The following PCDH9 variants were observed in gnomAD, a reference collection of about 807,000 sequenced individuals.
PCDH9 encodes the protein protocadherin 9.
A neutral mutation model predicts 70.6 loss-of-function variants in PCDH9; 24 were observed. The ratio of observed to expected loss-of-function variants is 0.34; its 90% CI spans 0.25 to 0.48. The LOEUF (loss-of-function observed/expected upper bound fraction) is 0.48, where lower values mean the gene tolerates loss of function less well. Among genes scored for constraint, PCDH9 ranks in the 20% least tolerant of loss-of-function variants. The pLI, the probability that PCDH9 is intolerant of heterozygous loss-of-function variation, is 0.99. For missense variants in PCDH9, 1,281 were observed against 1,503.6 expected, an observed-to-expected ratio of 0.85 and a Z score of 2.45; for synonymous variants, 562 against 558.5, an observed-to-expected ratio of 1.01 and a Z score of -0.09.
chr13:66,622,666 G>T (rs1267277870), intron 4 of PCDH9, among the ~76,000 whole-genome samples: 1 of 152,156 alleles, frequency 6.6e-6, no homozygotes, highest in African/African-American at 2.4e-5. Flanking sequence ...GTAGCTCAGG[G>T]ATTGTAAACG....
At chr13:66,603,242 A>G (rs953799222) in intron 4 of PCDH9, among the ~76,000 whole-genome samples, 3 of 151,418 alleles carry the variant, frequency 2.0e-5, no homozygotes, top group African/African-American at 7.3e-5. Context: ...TTAAACATGT[A>G]TATATCCAAT....
At chr13:66,568,350 G>A (rs1378556524) in intron 4 of PCDH9, among the ~76,000 whole-genome samples, 1 of 151,858 alleles carries the variant, frequency 6.6e-6, no homozygotes, top group Non-Finnish European at 1.5e-5. Context: ...TAGTCATGTG[G>A]TAGTTTTTTA....
intron 2 of PCDH9, among the ~76,000 whole-genome samples, chr13:66,925,932 T>C (rs1007028360): frequency 1.3e-5 from 2 of 152,000 alleles, no homozygotes; most frequent in Non-Finnish European, 2.9e-5. Context: ...ATTACGATGT[T>C]ATATTTCCAC....
chr13:66,629,364 G>T (rs1172260411), intron 4 of PCDH9, among the ~76,000 whole-genome samples: 4 of 152,180 alleles, frequency 2.6e-5, no homozygotes, highest in African/African-American at 9.7e-5. Flanking sequence ...GAGACTCTTA[G>T]CTTTACTTCA....
intron 3 of PCDH9, among the ~76,000 whole-genome samples, chr13:66,698,867 G>T (rs1433630480): frequency 6.6e-6 from 1 of 150,394 alleles, no homozygotes; most frequent in Non-Finnish European, 1.5e-5. Flanking sequence ...GATTACAGAG[G>T]TGAGACACTT....
At chr13:66,596,882 T>C (rs2077110608) in intron 4 of PCDH9, among the ~76,000 whole-genome samples, 2 of 151,620 alleles carry the variant, frequency 1.3e-5, no homozygotes, top group South Asian at 4.1e-4. Context: ...CTATTCTTTT[T>C]TTTTTTTTAT....
intron 3 of PCDH9, among the ~76,000 whole-genome samples, chr13:66,842,687 T>G (rs915168760): frequency 1.3e-5 from 2 of 152,184 alleles, no homozygotes; most frequent in African/African-American, 4.8e-5. Context: ...TGTAATGACA[T>G]TAACTGTTAA....
chr13:66,392,079 C>T (rs1957028386), intron 4 of PCDH9, among the ~76,000 whole-genome samples: 1 of 151,528 alleles, frequency 6.6e-6, no homozygotes, highest in African/African-American at 2.4e-5. Context: ...AATTTCAAAT[C>T]ACTGAAGAAA....
intron 4 of PCDH9, among the ~76,000 whole-genome samples, chr13:66,512,817 T>C (rs940642138): frequency 4.6e-5 from 7 of 151,980 alleles, no homozygotes; most frequent in Non-Finnish European, 8.8e-5. Context: ...TCTTTCTTTT[T>C]TTGTTTTGTT....
In PCDH9 at chr13:66,515,229, T is replaced by C. The variant is rs1420109330; in HGVS notation, c.3340+115981A>G. On this transcript the variant is annotated intron_variant, in intron 4 of 4. Coordinates refer to ENST00000377865, the MANE Select transcript of PCDH9 (RefSeq NM_203487.3). ...GTTATCAAGTTACTCACATTAACCT[T>C]GCTTTGTTCACACAAACACTTGTTA... Among the ~76,000 whole-genome samples, 7 of 152,086 alleles carry C rather than the reference T, an allele frequency of 4.6e-5. 1 individual carries two copies. The East Asian group carries it at 1.2e-3, about 25-fold the overall frequency.
intron 2 of PCDH9, among the ~76,000 whole-genome samples, chr13:67,129,648 C>T (rs1260789748): frequency 7.9e-5 from 12 of 151,706 alleles, no homozygotes; most frequent in Non-Finnish European, 1.8e-4. Flanking sequence ...TGTATTTTAG[C>T]TAGAGGTAAT....
intron 2 of PCDH9, among the ~76,000 whole-genome samples, chr13:66,989,460 A>G (rs1189495618): frequency 2.0e-5 from 3 of 151,942 alleles, no homozygotes; most frequent in African/African-American, 7.2e-5. Flanking sequence ...TACAAATACA[A>G]TTATTTGAGA....
chr13:66,933,259 C>A (rs781236404), intron 2 of PCDH9, among the ~76,000 whole-genome samples: 1 of 151,970 alleles, frequency 6.6e-6, no homozygotes, highest in African/African-American at 2.4e-5. Context: ...AACTAAAATG[C>A]CTTTTACCTA....
chr13:66,911,381 C>A lies in PCDH9; in HGVS notation c.3037-7776G>T, dbSNP rs893568789. ...TCATAAGTAATTACTATACTTCTAA[C>A]CTCTCTAACTTAATAGAGATAAACT... On this transcript the variant is annotated intron_variant, in intron 2 of 4. Transcript: ENST00000377865. Among the ~76,000 whole-genome samples, 6 of 152,170 alleles carry A rather than the reference C, an allele frequency of 3.9e-5. No individual in the cohort carries two copies. The South Asian group carries it at 1.2e-3, about 31-fold the overall frequency.
At chr13:66,307,436 A>C (rs528459351) in intron 4 of PCDH9, among the ~76,000 whole-genome samples, 1 of 152,212 alleles carries the variant, frequency 6.6e-6, no homozygotes, top group Middle Eastern at 3.4e-3. Context: ...TGATTTCACA[A>C]ATCTTACACC....
chr13:66,709,296 T>C (rs892057232), intron 3 of PCDH9, among the ~76,000 whole-genome samples: 2 of 152,202 alleles, frequency 1.3e-5, no homozygotes, highest in African/African-American at 4.8e-5. Context: ...ACAACTATAT[T>C]TTACATTGCT....
intron 4 of PCDH9, among the ~76,000 whole-genome samples, chr13:66,623,326 G>T (rs529918099): frequency 3.3e-5 from 5 of 152,224 alleles, no homozygotes; most frequent in Admixed American, 6.5e-5. Context: ...CATGTACTAT[G>T]TTAAACCATG....
At chr13:66,373,056 A>C (rs1455668996) in intron 4 of PCDH9, among the ~76,000 whole-genome samples, 1 of 152,066 alleles carries the variant, frequency 6.6e-6, no homozygotes, top group African/African-American at 2.4e-5. Flanking sequence ...CATTATTGTC[A>C]ATAGACAAAA....
At chr13:66,934,688 A>G (rs1171247591) in intron 2 of PCDH9, among the ~76,000 whole-genome samples, 1 of 127,784 alleles carries the variant, frequency 7.8e-6, no homozygotes, top group African/African-American at 2.9e-5. Context: ...TTGATATTGT[A>G]TTCAATTTCC....
Sources: gnomAD v4.1 joint callset for allele counts (sites outside exome capture counted in the v4.1 genomes callset) on GRCh38, gnomAD v4.1.1 for gene constraint, MANE v1.5 for transcripts, NCBI Gene and HGNC (gene_info 2026-07-23, HGNC 2026-07-21) for gene names.